Variants in DPP10 observed in about 807,000 individuals in gnomAD.
The protein encoded by DPP10 is dipeptidyl peptidase like 10.
Under a neutral mutation model 120.9 loss-of-function variants are expected in DPP10, and 33 were observed. That is an observed-to-expected ratio of 0.27 (90% CI 0.21 to 0.37). The LOEUF (loss-of-function observed/expected upper bound fraction) is 0.37. Among genes scored for constraint, DPP10 ranks in the 10% least tolerant of loss-of-function variants. The pLI, the probability that DPP10 is intolerant of heterozygous loss-of-function variation, is 1.00. For missense variants in DPP10, 816 were observed against 942.8 expected, an observed-to-expected ratio of 0.87 and a Z score of 1.76; for synonymous variants, 337 against 326.1, an observed-to-expected ratio of 1.03 and a Z score of -0.36.
At chr2:115,198,583 T>A (rs1200717887) in intron 1 of DPP10, among the ~76,000 whole-genome samples, 1 of 152,206 alleles carries the variant, frequency 6.6e-6, no homozygotes, top group Non-Finnish European at 1.5e-5. Context: ...TCCTTCAGCT[T>A]CTTAAACACG....
intron 1 of DPP10, among the ~76,000 whole-genome samples, chr2:115,110,942 C>G (rs1325128235): frequency 1.3e-5 from 2 of 152,046 alleles, no homozygotes; most frequent in South Asian, 2.1e-4. Flanking sequence ...TAATATGTAG[C>G]TAAAATTGTG....
intron 3 of DPP10, among the ~76,000 whole-genome samples, chr2:115,370,770 A>T (rs1163288678): frequency 1.3e-5 from 2 of 152,084 alleles, no homozygotes; most frequent in Admixed American, 6.6e-5. Context: ...TTGTTAAAAC[A>T]TGAACTGGTA....
intron 11 of DPP10, among the ~76,000 whole-genome samples, chr2:115,759,881 A>G (rs946284991): frequency 6.6e-6 from 1 of 151,980 alleles, no homozygotes; most frequent in Admixed American, 6.6e-5. Flanking sequence ...ATGTTGGCGC[A>G]TGCCTGTAAT....
chr2:115,792,899 A>G (rs1684144409), intron 19 of DPP10, among the ~76,000 whole-genome samples: 1 of 152,216 alleles, frequency 6.6e-6, no homozygotes. Context: ...AAAAGAACTG[A>G]CTGCCCTTGA....
chr2:114,983,701 A>G (rs1486158771), intron 1 of DPP10, among the ~76,000 whole-genome samples: 1 of 152,226 alleles, frequency 6.6e-6, no homozygotes, highest in Non-Finnish European at 1.5e-5. Flanking sequence ...GAGAAAAAGC[A>G]AAATAATGAT....
At chr2:115,690,922 A>T (rs564041947) in intron 7 of DPP10, among the ~76,000 whole-genome samples, 12 of 152,270 alleles carry the variant, frequency 7.9e-5, no homozygotes, top group East Asian at 7.7e-4. Flanking sequence ...CCTTGCCAAC[A>T]CCTGTTTTTC....
intron 1 of DPP10, among the ~76,000 whole-genome samples, chr2:114,519,363 A>G (rs1411308221): frequency 6.6e-6 from 1 of 152,132 alleles, no homozygotes; most frequent in Non-Finnish European, 1.5e-5. Context: ...GCTTTTATTT[A>G]TTTTATCAGT....
chr2:115,099,550 A>G (rs1444775923), intron 1 of DPP10, among the ~76,000 whole-genome samples: 1 of 152,028 alleles, frequency 6.6e-6, no homozygotes, highest in Non-Finnish European at 1.5e-5. Context: ...GGACCTTTAA[A>G]CCTCTAGAAC....
chr2:114,525,964 G>A (rs933494044), intron 1 of DPP10, among the ~76,000 whole-genome samples: 1 of 152,166 alleles, frequency 6.6e-6, no homozygotes, highest in Non-Finnish European at 1.5e-5. Flanking sequence ...TTAGGCACAA[G>A]CAAGGTGCTG....
At chr2:114,610,911 C>G (rs776329678) in intron 1 of DPP10, among the ~76,000 whole-genome samples, 1 of 152,050 alleles carries the variant, frequency 6.6e-6, no homozygotes, top group Non-Finnish European at 1.5e-5. Context: ...ACCACCACCC[C>G]CCTTCTCCCA....
At chr2:114,689,562 A>T (rs1186968856) in intron 1 of DPP10, among the ~76,000 whole-genome samples, 1 of 151,920 alleles carries the variant, frequency 6.6e-6, no homozygotes, top group South Asian at 2.1e-4. Flanking sequence ...ATACATCTTC[A>T]TATAGTATAA....
chr2:115,573,603 T>A, intron 5 of DPP10, among the ~76,000 whole-genome samples: 1 of 133,370 alleles, frequency 7.5e-6, no homozygotes. Context: ...TTTTTTTTTT[T>A]TTGAGACAGA....
At chr2:114,618,669 G>A (rs1306366696) in intron 1 of DPP10, among the ~76,000 whole-genome samples, 1 of 151,892 alleles carries the variant, frequency 6.6e-6, no homozygotes, top group Non-Finnish European at 1.5e-5. Flanking sequence ...CAAAACAAAA[G>A]TAACAAATCA....
At chr2:115,122,392 C>A (rs1034586627) in intron 1 of DPP10, among the ~76,000 whole-genome samples, 2 of 152,178 alleles carry the variant, frequency 1.3e-5, no homozygotes, top group African/African-American at 4.8e-5. Context: ...TGGTCCCATC[C>A]AATTTCTGGG....
At chr2:114,452,628 T>A (rs1464478202) in intron 1 of DPP10, among the ~76,000 whole-genome samples, 13 of 152,278 alleles carry the variant, frequency 8.5e-5, no homozygotes, top group Non-Finnish European at 1.3e-4. Context: ...AAAGAACATG[T>A]AAATTTTATT....
chr2:115,441,069 T>G (rs2072000528), intron 3 of DPP10: 1 of 152,066 alleles, frequency 6.6e-6, no homozygotes, highest in Non-Finnish European at 1.5e-5. Flanking sequence ...GCTAGGTGAT[T>G]AAAGAGACAA....
intron 2 of DPP10, among the ~76,000 whole-genome samples, chr2:115,335,875 A>G (rs1379053831): frequency 6.6e-6 from 1 of 152,076 alleles, no homozygotes; most frequent in East Asian, 1.9e-4. Flanking sequence ...TGGTACTGGG[A>G]AAACCCAGCT....
chr2:115,733,722 A>G (rs1303935392), intron 8 of DPP10, among the ~76,000 whole-genome samples: 3 of 152,156 alleles, frequency 2.0e-5, no homozygotes, highest in Non-Finnish European at 4.4e-5. Context: ...ATTAATCTAA[A>G]CACAATCGTT....
intron 1 of DPP10, among the ~76,000 whole-genome samples, chr2:115,186,011 C>T (rs2054410502): frequency 6.6e-6 from 1 of 152,190 alleles, no homozygotes; most frequent in Non-Finnish European, 1.5e-5. Context: ...AAATACACCC[C>T]ACATTGTTGT....
Sources: gnomAD v4.1 joint callset for allele counts (sites outside exome capture counted in the v4.1 genomes callset) on GRCh38, gnomAD v4.1.1 for gene constraint, MANE v1.5 for transcripts, NCBI Gene and HGNC (gene_info 2026-07-23, HGNC 2026-07-21) for gene names.